KDM1A: variants seen among roughly 807,000 people sequenced by gnomAD.
KDM1A encodes the protein lysine demethylase 1A.
In KDM1A, 49 loss-of-function variants were observed where a neutral mutation model predicts 109.4. The ratio of observed to expected loss-of-function variants is 0.45; its 90% CI spans 0.36 to 0.57. The LOEUF is 0.57. KDM1A is among the 20% of genes least tolerant of loss of function. The pLI, the probability that KDM1A is intolerant of heterozygous loss-of-function variation, is 0.00. For missense variants in KDM1A, 668 were observed against 1,116.6 expected (o/e 0.60, Z 5.73); for synonymous variants, 380 against 415.4 (o/e 0.91, Z 1.04).
intron 5 of KDM1A, among the ~76,000 whole-genome samples, chr1:23,054,723 C>T (rs1465812672): frequency 1.3e-5 from 2 of 152,110 alleles, no homozygotes; most frequent in African/African-American, 4.8e-5. Flanking sequence ...AACTCCTGGG[C>T]TCAGGTGATC....
intron 1 of KDM1A, among the ~76,000 whole-genome samples, chr1:23,026,365 G>T (rs564215810): frequency 2.1e-5 from 3 of 146,204 alleles, no homozygotes; most frequent in East Asian, 4.0e-4. Flanking sequence ...TTGTTTTTTT[G>T]TGTGTTTTTG....
chr1:23,078,161 G>T (rs992922332), intron 16 of KDM1A, among the ~76,000 whole-genome samples: 3 of 152,112 alleles, frequency 2.0e-5, no homozygotes, highest in African/African-American at 7.2e-5. Flanking sequence ...AGATGTTTTG[G>T]TTTTTTACTA....
intron 19 of KDM1A, chr1:23,081,998 A>T: frequency 1.8e-5 from 4 of 223,082 alleles, no homozygotes; most frequent in Admixed American, 1.0e-4. Context: ...AGATCTCTGG[A>T]TTCATAGACA....
rs747747175 is a variant in KDM1A, at chr1:23,044,355, T to G, written c.518-72T>G. On this transcript the variant is annotated intron_variant, in intron 2 of 20. Coordinates refer to ENST00000400181, the MANE Select transcript of KDM1A (RefSeq NM_001009999.3). ...GGTGAATTCATGAGTCGCCAACTAT[T>G]AGGCCTTTATGTCCAGATATTATCC... 5 of 1,412,216 alleles carry G rather than the reference T, an allele frequency of 3.5e-6. No individual in the cohort carries two copies. The South Asian group carries it at 6.1e-5, about 17-fold the overall frequency. The allele number at this position is 1,412,216 out of a possible 1,614,324, so 87.5% of individuals were successfully genotyped here.
At chr1:23,078,932 G>A in intron 16 of KDM1A, 58 bp from the exon 17 acceptor site, 4 of 1,405,048 alleles carry the variant, frequency 2.8e-6, no homozygotes, top group Non-Finnish European at 3.9e-6. Context: ...TAAATGTTCA[G>A]TGTCCTTATC....
intron 18 of KDM1A, chr1:23,080,885 TTAA>T: frequency 6.6e-6 from 1 of 152,458 alleles, no homozygotes; most frequent in South Asian, 2.1e-4. Flanking sequence ...AGCTTTTAAG[TTAA>T]TAATTGTCTG....
intron 8 of KDM1A, 109 bp from the exon 9 acceptor site, chr1:23,058,964 C>A: frequency 1.7e-6 from 1 of 591,984 alleles, no homozygotes; most frequent in Non-Finnish European, 2.7e-6. Context: ...TAATTACATA[C>A]TGTAAGCTTT....
At chr1:23,020,377 T>A (rs1641586950) in intron 1 of KDM1A, 1 of 154,860 alleles carries the variant, frequency 6.5e-6, no homozygotes, top group Admixed American at 6.5e-5. Context: ...GAGGGGGCTG[T>A]AGGTTGATGC....
At chr1:23,061,038 AAG>A (rs1385775983) in intron 9 of KDM1A, among the ~76,000 whole-genome samples, 2 of 152,164 alleles carry the variant, frequency 1.3e-5, no homozygotes, top group African/African-American at 4.8e-5. Context: ...TTCTAACGTA[AAG>A]AGAGAACTTT....
At chr1:23,057,602 T>G in intron 8 of KDM1A, 37 bp downstream of exon 8, 1 of 1,447,496 alleles carries the variant, frequency 6.9e-7, no homozygotes, top group Non-Finnish European at 9.7e-7. Flanking sequence ...TAGTACATGG[T>G]CTAAGACTCA....
Position 23,079,714 on chromosome 1 carries a change from T to C in KDM1A, c.2170+47T>C, listed in dbSNP as rs1437106177. 3 of 1,271,924 alleles carry C rather than the reference T, an allele frequency of 2.4e-6. No individual in the cohort carries two copies. Among genetic ancestry groups the C allele is most frequent in the Admixed American group, 2.3e-5 (1 of 42,564 alleles). 78.8% of individuals were successfully genotyped at this position (1,271,924 alleles called of 1,614,324 possible). Reference sequence around the variant, plus strand: ...TCTTTTCCATATCCTTACAGGAATATAGAATTTGAAATATTTTGGGTTTTC... The same window carrying C: ...TCTTTTCCATATCCTTACAGGAATACAGAATTTGAAATATTTTGGGTTTTC... On this transcript the variant is annotated intron_variant, in intron 18 of 20. Coordinates refer to ENST00000400181, the MANE Select transcript of KDM1A (RefSeq NM_001009999.3). This position sits in a 1 kb window ranked among gnomAD's most constrained non-coding sequence, Gnocchi z 5.6.
chr1:23,044,478 A>G lies in KDM1A; in HGVS notation c.569A>G (p.Gln190Arg), dbSNP rs1333123753. The change falls in exon 3 of 21, where the codon CAA becomes CGA. Residue 190 changes from glutamine to arginine, a missense_variant. Gln to Arg is a conservative substitution (Grantham distance 43). Transcript: ENST00000400181. Reference protein sequence around the residue: ...DDSSGGYGDGQASGVEGAAFQ... With the variant: ...DDSSGGYGDGRASGVEGAAFQ... ...AGTTCTGGAGGGTATGGAGACGGCC[A>G]AGCATCAGGTGAGGGTGGCATTAGA... is the stretch of plus-strand genomic sequence containing the variant. 6.2e-7 allele frequency: 1 copy of G among 1,610,880 alleles called. No individual in the cohort carries two copies. The highest frequency in any genetic ancestry group is 8.5e-7 in the Non-Finnish European group (1 of 1,179,244).
chr1:23,043,481 T>A (rs921836521), intron 2 of KDM1A, among the ~76,000 whole-genome samples: 4 of 152,230 alleles, frequency 2.6e-5, no homozygotes, highest in African/African-American at 9.6e-5. Flanking sequence ...GGGGTACGTA[T>A]TTTAAAATAA....
chr1:23,072,361 C>T (rs944697174), intron 14 of KDM1A, among the ~76,000 whole-genome samples, 164 bp downstream of exon 14: 1 of 151,852 alleles, frequency 6.6e-6, no homozygotes, highest in Non-Finnish European at 1.5e-5. Flanking sequence ...TTTCTAAATC[C>T]CCTGCTCCTG....
chr1:23,043,211 C>T lies in KDM1A; in HGVS notation c.518-1216C>T, dbSNP rs546607935. Among the ~76,000 whole-genome samples, 890 of 152,188 alleles carry T rather than the reference C, an allele frequency of 5.8e-3. 5 individuals are homozygous for T. The highest frequency in any genetic ancestry group is 7.5e-3 in the Non-Finnish European group (513 of 67,994). On this transcript the variant is annotated intron_variant, in intron 2 of 20. Coordinates refer to ENST00000400181, the MANE Select transcript of KDM1A (RefSeq NM_001009999.3). ...TCTCTTCATGATTGTATGCCTTTTTCCAAGGGCTGTAAATAGGTATACCTT... is the reference window on the plus strand; with the variant it reads ...TCTCTTCATGATTGTATGCCTTTTTTCAAGGGCTGTAAATAGGTATACCTT...
At chr1:23,082,792 A>G in intron 20 of KDM1A, 1 of 198,092 alleles carries the variant, frequency 5.0e-6, no homozygotes, top group Non-Finnish European at 1.0e-5. Context: ...AGAATTCCTT[A>G]GTGTCATAGC....
At chr1:23,054,355 T>C (rs1642760902) in intron 5 of KDM1A, among the ~76,000 whole-genome samples, 1 of 152,106 alleles carries the variant, frequency 6.6e-6, no homozygotes, top group South Asian at 2.1e-4. Flanking sequence ...CCCAGGAGTT[T>C]GAGTTCAGCC....
chr1:23,059,296 A>G (rs1642930910), intron 9 of KDM1A, 129 bp downstream of exon 9: 7 of 759,882 alleles, frequency 9.2e-6, no homozygotes, highest in African/African-American at 1.7e-5. Context: ...AACTGAGGGT[A>G]GAGATGATGT....
At position 23,081,244 on chromosome 1, in the gene KDM1A, C is replaced by T. The variant is rs1643612521; in HGVS notation, c.2171-202C>T. On this transcript the variant is annotated intron_variant, in intron 18 of 20. Coordinates refer to ENST00000400181, the MANE Select transcript of KDM1A (RefSeq NM_001009999.3). ...GAGAATCTTACTTCACTCTAGTCTGCCAGCTCCTACTGGCTGGTGTCTGGC... is the reference window on the plus strand; with the variant it reads ...GAGAATCTTACTTCACTCTAGTCTGTCAGCTCCTACTGGCTGGTGTCTGGC... The T allele has an allele frequency of 7.4e-6, 4 of 543,470 alleles. No individual in the cohort carries two copies. The South Asian group carries it at 1.1e-4, about 15-fold the overall frequency. 33.7% of individuals were successfully genotyped at this position (543,470 alleles called of 1,614,324 possible).
Sources: allele counts gnomAD v4.1 joint callset (sites outside exome capture counted in the v4.1 genomes callset), GRCh38; gene constraint gnomAD v4.1.1; non-coding constraint Gnocchi (gnomAD v3.1); transcripts MANE v1.5; gene names NCBI Gene and HGNC (gene_info 2026-07-23, HGNC 2026-07-21).